Variants in AUTS2 observed in about 807,000 individuals in gnomAD.
The protein encoded by AUTS2 is autism susceptibility gene 2 protein.
A neutral mutation model predicts 112.4 loss-of-function variants in AUTS2; 17 were observed. The observed-to-expected ratio is 0.15, with a 90% CI of 0.10 to 0.23. The LOEUF is 0.23. AUTS2 is among the 10% of genes least tolerant of loss of function. AUTS2 has a pLI of 1.00. For synonymous variants in AUTS2, 751 were observed against 702.7 expected (o/e 1.07, Z -1.09); for missense variants, 1,510 against 1,701.6 (o/e 0.89, Z 1.98).
chr7:69,768,154 T>C (rs2129294555), intron 1 of AUTS2, among the ~76,000 whole-genome samples: 1 of 152,288 alleles, frequency 6.6e-6, no homozygotes, highest in East Asian at 1.9e-4. Flanking sequence ...TGCAATGGGA[T>C]GGAGTGGAAT....
intron 2 of AUTS2, among the ~76,000 whole-genome samples, chr7:70,061,687 G>C (rs890258371): frequency 1.3e-5 from 2 of 152,028 alleles, no homozygotes; most frequent in African/African-American, 4.8e-5. Context: ...TTAATATCAT[G>C]GTTTGGCAAA....
At chr7:70,643,116 C>T (rs767678071) in intron 5 of AUTS2, among the ~76,000 whole-genome samples, 4 of 152,252 alleles carry the variant, frequency 2.6e-5, no homozygotes, top group Non-Finnish European at 5.9e-5. Flanking sequence ...CCTCAGCCTC[C>T]ACAGATTCCA....
At chr7:70,147,064 AAT>A (rs1807164694) in intron 4 of AUTS2, among the ~76,000 whole-genome samples, 1 of 152,118 alleles carries the variant, frequency 6.6e-6, no homozygotes, top group Non-Finnish European at 1.5e-5. Flanking sequence ...TGGTTATTTA[AAT>A]ATCATTTGGG....
chr7:69,699,643 T>G (rs1797721072), intron 1 of AUTS2, among the ~76,000 whole-genome samples: 3 of 149,088 alleles, frequency 2.0e-5, no homozygotes, highest in Non-Finnish European at 3.0e-5. Flanking sequence ...GATAATGTTT[T>G]TTTTTTTTTT....
chr7:69,758,509 T>G (rs1788034030), intron 1 of AUTS2, among the ~76,000 whole-genome samples: 1 of 152,208 alleles, frequency 6.6e-6, no homozygotes, highest in Non-Finnish European at 1.5e-5. Context: ...CGTCACTGTG[T>G]TTCGTTCCCA....
At chr7:69,979,695 A>G (rs1212778737) in intron 2 of AUTS2, among the ~76,000 whole-genome samples, 3 of 152,190 alleles carry the variant, frequency 2.0e-5, no homozygotes, top group Non-Finnish European at 4.4e-5. Context: ...CAGTGCATCA[A>G]ATGTGACTTT....
intron 6 of AUTS2, among the ~76,000 whole-genome samples, chr7:70,755,233 C>G (rs1789121502): frequency 6.6e-6 from 1 of 151,792 alleles, no homozygotes. Context: ...ATGATCACTC[C>G]AGCGTGGGCG....
chr7:70,209,585 A>C (rs1164433637), intron 4 of AUTS2, among the ~76,000 whole-genome samples: 1 of 152,192 alleles, frequency 6.6e-6, no homozygotes, highest in African/African-American at 2.4e-5. Flanking sequence ...ATAAGGAAGA[A>C]GACCCAGTGA....
At chr7:70,461,637 G>A (rs879832647) in intron 5 of AUTS2, among the ~76,000 whole-genome samples, 1 of 152,174 alleles carries the variant, frequency 6.6e-6, no homozygotes, top group African/African-American at 2.4e-5. Context: ...CCAGGAATAC[G>A]TTGCTAGTTT....
intron 4 of AUTS2, among the ~76,000 whole-genome samples, chr7:70,389,638 T>A (rs952332648): frequency 1.6e-4 from 25 of 152,172 alleles, no homozygotes; most frequent in African/African-American, 3.9e-4. Flanking sequence ...TTTTTTTCTT[T>A]ATAGAAACAT....
intron 1 of AUTS2, among the ~76,000 whole-genome samples, chr7:69,881,308 G>C (rs79349628): frequency 4.0e-5 from 6 of 151,824 alleles, no homozygotes; most frequent in Admixed American, 2.0e-4. Context: ...GTTCCATTAA[G>C]CCTTGTGTGG....
At chr7:70,132,173 A>G (rs923038486) in intron 3 of AUTS2, among the ~76,000 whole-genome samples, 1 of 149,286 alleles carries the variant, frequency 6.7e-6, no homozygotes, top group African/African-American at 2.4e-5. Context: ...TTAAAAAAAA[A>G]AAAAAAAAAA....
At chr7:69,992,260 G>A (rs1798769978) in intron 2 of AUTS2, among the ~76,000 whole-genome samples, 1 of 152,218 alleles carries the variant, frequency 6.6e-6, no homozygotes, top group African/African-American at 2.4e-5. Context: ...AGTCTGAAGT[G>A]TTAGAGCCAG....
At chr7:70,615,605 G>GTTGTTGTTGTTGT (rs1436846954) in intron 5 of AUTS2, among the ~76,000 whole-genome samples, 1 of 126,692 alleles carries the variant, frequency 7.9e-6, no homozygotes, top group Non-Finnish European at 1.7e-5. Flanking sequence ...GTTGTTGTTG[G>GTTGTTGTTGTTGT]AAAAGCATTT....
chr7:70,371,051 T>C (rs1033090431), intron 4 of AUTS2, among the ~76,000 whole-genome samples: 121 of 152,272 alleles, frequency 7.9e-4, no homozygotes, highest in African/African-American at 2.7e-3. Flanking sequence ...TAAGAAGGAA[T>C]TGGACGCAGC....
chr7:69,871,325 G>T (rs1793485887), intron 1 of AUTS2, among the ~76,000 whole-genome samples: 1 of 152,156 alleles, frequency 6.6e-6, no homozygotes, highest in Admixed American at 6.5e-5. Flanking sequence ...TCCCAAGGTT[G>T]TCTGTCTTTC....
At chr7:70,122,736 C>T (rs1356213442) in intron 3 of AUTS2, among the ~76,000 whole-genome samples, 1 of 152,092 alleles carries the variant, frequency 6.6e-6, no homozygotes, top group African/African-American at 2.4e-5. Context: ...AGAAAAATGA[C>T]CCAAAACGTG....
At chr7:70,303,434 GCACATACACACACACA>G (rs1377659019) in intron 4 of AUTS2, among the ~76,000 whole-genome samples, 1 of 141,948 alleles carries the variant, frequency 7.0e-6, no homozygotes, top group Non-Finnish European at 1.6e-5. Flanking sequence ...GCGCGCGCGC[GCACATACACACACACA>G]CACACACACA....
intron 4 of AUTS2, among the ~76,000 whole-genome samples, chr7:70,165,807 A>C (rs1173075226): frequency 7.2e-5 from 11 of 152,146 alleles, no homozygotes; most frequent in Admixed American, 7.2e-4. Context: ...TTGAAATGAG[A>C]TTAGAGTATG....
Sources: allele counts gnomAD v4.1 joint callset (sites outside exome capture counted in the v4.1 genomes callset), GRCh38; gene constraint gnomAD v4.1.1; transcripts MANE v1.5; gene names NCBI Gene and HGNC (gene_info 2026-07-23, HGNC 2026-07-21).